The following DOCK4 variants were observed in gnomAD, a reference collection of about 807,000 sequenced individuals.
DOCK4 encodes dedicator of cytokinesis 4.
In DOCK4, 97 loss-of-function variants were observed where a neutral mutation model predicts 268.1. The observed-to-expected ratio is 0.36, with a 90% CI of 0.31 to 0.43. The LOEUF (loss-of-function observed/expected upper bound fraction) is 0.43, where lower values mean the gene tolerates loss of function less well. Among genes scored for constraint, DOCK4 ranks in the 20% least tolerant of loss-of-function variants. The pLI is 1.00. For synonymous variants in DOCK4, 954 were observed against 887.2 expected, an observed-to-expected ratio of 1.08 and a Z score of -1.34; for missense variants, 2,145 against 2,455.7, an observed-to-expected ratio of 0.87 and a Z score of 2.67.
intron 44 of DOCK4, among the ~76,000 whole-genome samples, chr7:111,745,851 C>A (rs899547192): frequency 2.7e-5 from 4 of 147,654 alleles, no homozygotes; most frequent in Non-Finnish European, 4.6e-5. Flanking sequence ...AAATTTGAAG[C>A]CTTTTGAATG....
chr7:111,811,892 A>T lies in DOCK4; in HGVS notation c.2988T>A (p.Asn996Lys). 6.6e-7 allele frequency: 1 copy of T among 1,522,960 alleles called. No homozygotes were observed. The highest frequency in any genetic ancestry group is 8.9e-7 in the Non-Finnish European group (1 of 1,122,730). 94.3% of individuals were successfully genotyped at this position (1,522,960 alleles called of 1,614,324 possible). Residue 996 changes from asparagine (N) to lysine (K), a missense_variant, in exon 28 of 53, where the codon AAT becomes AAA. Around this residue, in one of 2 missense-constraint regions of DOCK4, gnomAD observed 1,598 missense variants for 1,986.7 expected, o/e 0.80. Coordinates refer to ENST00000428084, the MANE Select transcript of DOCK4 (RefSeq NM_001363540.2). ...LSDALRKNFL[N>K]ENFDYKIWDS... ...TGCTTACCTTATAATCAAAGTTTTC[A>T]TTTAAGAAGTTCTTACGAAGTGCAT...
At chr7:112,173,153 A>T (rs1165584568) in intron 1 of DOCK4, among the ~76,000 whole-genome samples, 2 of 152,222 alleles carry the variant, frequency 1.3e-5, no homozygotes, top group African/African-American at 2.4e-5. Flanking sequence ...CATTTGCCTT[A>T]TTACTTTAGC....
chr7:112,171,075 T>C (rs1818043925), intron 1 of DOCK4, among the ~76,000 whole-genome samples: 1 of 152,194 alleles, frequency 6.6e-6, no homozygotes, highest in Admixed American at 6.5e-5. Context: ...ACAATAAGTA[T>C]TTCCAATTCT....
chr7:112,118,451 T>C (rs2115844819), intron 1 of DOCK4, among the ~76,000 whole-genome samples: 1 of 152,212 alleles, frequency 6.6e-6, no homozygotes, highest in South Asian at 2.1e-4. Context: ...AGATAAATAT[T>C]TTGGCCTCTC....
At chr7:112,092,808 TAAG>T (rs1746220152) in intron 1 of DOCK4, among the ~76,000 whole-genome samples, 1 of 151,984 alleles carries the variant, frequency 6.6e-6, no homozygotes, top group Admixed American at 6.6e-5. Flanking sequence ...CCTTCTTCCC[TAAG>T]AAGATGAAAT....
chr7:111,985,984 C>A (rs1799023031), intron 6 of DOCK4, among the ~76,000 whole-genome samples: 1 of 152,158 alleles, frequency 6.6e-6, no homozygotes, highest in Non-Finnish European at 1.5e-5. Context: ...ACTCATAGCT[C>A]CTTCTATGAG....
intron 41 of DOCK4, among the ~76,000 whole-genome samples, chr7:111,755,888 T>C (rs1470009496): frequency 2.0e-5 from 3 of 152,244 alleles, no homozygotes; most frequent in African/African-American, 4.8e-5. Flanking sequence ...TTTTCTTTGC[T>C]ACTTCTCCAA....
chr7:111,829,148 T>C (rs561714352), intron 26 of DOCK4, among the ~76,000 whole-genome samples: 1 of 152,278 alleles, frequency 6.6e-6, no homozygotes, highest in South Asian at 2.1e-4. Context: ...TAAATGTACA[T>C]ACAAAACCCC....
chr7:111,869,164 T>A (rs1806218078), intron 21 of DOCK4, among the ~76,000 whole-genome samples: 1 of 152,130 alleles, frequency 6.6e-6, no homozygotes, highest in East Asian at 1.9e-4. Flanking sequence ...CTCATTATAA[T>A]CCCCGCTAAG....
rs888559937 is a variant in DOCK4, at chr7:111,755,455, C to G, written c.4416+60G>C. ...CGAAGGAGAAGTAATGAATATACGG[C>G]ACAACTCCAAGTGAACAACTGTGAT... On this transcript the variant is annotated intron_variant, in intron 42 of 52. Transcript: ENST00000428084. The G allele has an allele frequency of 2.0e-6, 3 of 1,521,386 alleles. No homozygotes were observed. The African/African-American group carries it at 4.1e-5, about 21-fold the overall frequency. The allele number at this position is 1,521,386 out of a possible 1,614,324, so 94.2% of individuals were successfully genotyped here.
chr7:111,971,530 G>T (rs532712678), intron 8 of DOCK4: 98 of 193,232 alleles, frequency 5.1e-4, no homozygotes, highest in African/African-American at 2.0e-3. Context: ...TAGTTCAATG[G>T]GATCCATGTC....
At chr7:112,150,626 G>T (rs1217099334) in intron 1 of DOCK4, among the ~76,000 whole-genome samples, 1 of 152,072 alleles carries the variant, frequency 6.6e-6, no homozygotes, top group Non-Finnish European at 1.5e-5. Context: ...CCCCGAGGTG[G>T]CTTCAACATC....
At chr7:111,973,124 A>T (rs1797856018) in intron 8 of DOCK4, among the ~76,000 whole-genome samples, 1 of 143,096 alleles carries the variant, frequency 7.0e-6, no homozygotes, top group Admixed American at 7.1e-5. Context: ...CCATTATTTC[A>T]TTCCTTTATA....
At chr7:112,137,350 C>T (rs929664601) in intron 1 of DOCK4, among the ~76,000 whole-genome samples, 1 of 152,136 alleles carries the variant, frequency 6.6e-6, no homozygotes, top group Non-Finnish European at 1.5e-5. Context: ...TCCTGCTATG[C>T]GTCAAGGCCT....
At chr7:112,154,235 G>C (rs1816387777) in intron 1 of DOCK4, among the ~76,000 whole-genome samples, 1 of 152,104 alleles carries the variant, frequency 6.6e-6, no homozygotes, top group Admixed American at 6.6e-5. Flanking sequence ...GCCTCCCAAA[G>C]TGCTGGGACT....
intron 12 of DOCK4, among the ~76,000 whole-genome samples, chr7:111,924,566 T>G (rs1272084268): frequency 2.0e-5 from 3 of 152,016 alleles, no homozygotes; most frequent in Non-Finnish European, 2.9e-5. Flanking sequence ...TTACCAGGAG[T>G]TGGCAGTTAC....
chr7:111,933,429 G>A (rs937145445), intron 12 of DOCK4, among the ~76,000 whole-genome samples: 3 of 150,756 alleles, frequency 2.0e-5, no homozygotes, highest in Admixed American at 6.6e-5. Context: ...GGAGTAGCTG[G>A]GATTACAGGC....
intron 27 of DOCK4, among the ~76,000 whole-genome samples, chr7:111,814,068 G>A (rs981071438): frequency 6.6e-6 from 1 of 152,108 alleles, no homozygotes; most frequent in East Asian, 1.9e-4. Flanking sequence ...TTAGATTGAC[G>A]TTCAGACACA....
At chr7:111,808,997 G>T (rs1800874978) in intron 29 of DOCK4, 118 bp from the exon 30 acceptor site, 1 of 1,134,518 alleles carries the variant, frequency 8.8e-7, no homozygotes, top group Non-Finnish European at 1.3e-6. Flanking sequence ...TTTAATTAAA[G>T]ACATTTAATA....
Sources: gnomAD v4.1 joint callset for allele counts (sites outside exome capture counted in the v4.1 genomes callset) on GRCh38, gnomAD v4.1.1 for gene constraint, gnomAD v4.1.1 regional missense constraint, MANE v1.5 for transcripts, NCBI Gene and HGNC (gene_info 2026-07-23, HGNC 2026-07-21) for gene names.